The following NCAM2 variants were observed in gnomAD, a reference collection of about 807,000 sequenced individuals.
The protein encoded by NCAM2 is neural cell adhesion molecule 2.
A neutral mutation model predicts 98.1 loss-of-function variants in NCAM2; 30 were observed. That is an observed-to-expected ratio of 0.31 (90% CI 0.23 to 0.41). The LOEUF is 0.41. NCAM2 is among the 10% of genes least tolerant of loss of function. The pLI, the probability that NCAM2 is intolerant of heterozygous loss-of-function variation, is 1.00. For synonymous variants in NCAM2, 368 were observed against 342.4 expected (o/e 1.07, Z -0.83); for missense variants, 867 against 1,005.8 (o/e 0.86, Z 1.87).
intron 9 of NCAM2, among the ~76,000 whole-genome samples, chr21:21,404,329 A>T (rs2145886036): frequency 6.6e-6 from 1 of 152,232 alleles, no homozygotes; most frequent in African/African-American, 2.4e-5. Flanking sequence ...AGCTCCCATA[A>T]TTCCCACGTG....
At chr21:21,277,706 C>A (rs1451271389) in intron 1 of NCAM2, among the ~76,000 whole-genome samples, 1 of 151,918 alleles carries the variant, frequency 6.6e-6, no homozygotes, top group Non-Finnish European at 1.5e-5. Flanking sequence ...CAAATTAAAT[C>A]AATTTTGAAG....
At chr21:21,275,427 G>C (rs574140460) in intron 1 of NCAM2, among the ~76,000 whole-genome samples, 2 of 151,066 alleles carry the variant, frequency 1.3e-5, no homozygotes, top group Non-Finnish European at 2.9e-5. Context: ...GCGACAGAGC[G>C]AGACTCTGTC....
chr21:21,100,381 C>A (rs1438432920), intron 1 of NCAM2, among the ~76,000 whole-genome samples: 3 of 151,808 alleles, frequency 2.0e-5, no homozygotes, highest in Admixed American at 1.3e-4. Context: ...ATGTCAGTGA[C>A]CCCCCAAAAG....
At chr21:21,216,264 A>C (rs917768839) in intron 1 of NCAM2, among the ~76,000 whole-genome samples, 2 of 152,196 alleles carry the variant, frequency 1.3e-5, no homozygotes, top group Non-Finnish European at 2.9e-5. Flanking sequence ...ATACAACAAA[A>C]AACAGAAGTA....
intron 8 of NCAM2, among the ~76,000 whole-genome samples, chr21:21,367,586 G>A (rs1251345555): frequency 6.6e-6 from 1 of 151,970 alleles, no homozygotes; most frequent in East Asian, 1.9e-4. Context: ...TGGAATATAT[G>A]TAGAATGCTT....
rs111508344 is a variant in NCAM2, at chr21:21,029,019, C to G, written c.55+30401C>G. ...GACAGTATTTGAATGCAAACAGAGC[C>G]GTTTTTAAACTATCTTGAAATGTGG... On this transcript the variant is annotated intron_variant, in intron 1 of 17. Transcript: ENST00000400546. Among the ~76,000 whole-genome samples the G allele has an allele frequency of 4.3e-3, 661 of 152,084 alleles. 7 individuals carry two copies. The highest frequency in any genetic ancestry group is 0.015 in the African/African-American group (610 of 41,488).
chr21:21,120,639 A>G (rs1271549601), intron 1 of NCAM2, among the ~76,000 whole-genome samples: 1 of 152,174 alleles, frequency 6.6e-6, no homozygotes, highest in African/African-American at 2.4e-5. Flanking sequence ...GCTTGGTTCA[A>G]CACAGAGAGG....
chr21:21,385,477 T>C (rs538454020), intron 9 of NCAM2: 122 of 442,876 alleles, frequency 2.8e-4, no homozygotes, highest in African/African-American at 2.1e-3. Context: ...GTAATACTGC[T>C]AAGAGTGAGT....
At chr21:21,231,189 G>T (rs551835073) in intron 1 of NCAM2, among the ~76,000 whole-genome samples, 2 of 151,260 alleles carry the variant, frequency 1.3e-5, no homozygotes, top group African/African-American at 4.8e-5. Context: ...TGAAGCTATA[G>T]AGCTGATTTA....
intron 6 of NCAM2, among the ~76,000 whole-genome samples, chr21:21,331,722 G>A (rs1307064464): frequency 1.4e-5 from 2 of 141,072 alleles, no homozygotes; most frequent in East Asian, 2.1e-4. Flanking sequence ...TCGAGTACCT[G>A]GGAACACAGG....
intron 1 of NCAM2, among the ~76,000 whole-genome samples, chr21:21,078,549 A>T (rs896792331): frequency 6.6e-6 from 1 of 152,230 alleles, no homozygotes; most frequent in African/African-American, 2.4e-5. Flanking sequence ...GATGCTGGCG[A>T]GACTGTGGAG....
At chr21:21,280,895 C>T (rs890536761) in intron 2 of NCAM2, among the ~76,000 whole-genome samples, 6 of 152,080 alleles carry the variant, frequency 3.9e-5, no homozygotes, top group Non-Finnish European at 8.8e-5. Flanking sequence ...CGTTCTCCTG[C>T]CTCAGCCTCT....
intron 5 of NCAM2, among the ~76,000 whole-genome samples, chr21:21,318,700 T>G (rs761654846): frequency 6.6e-6 from 1 of 152,158 alleles, no homozygotes; most frequent in African/African-American, 2.4e-5. Context: ...TGAATTTCAA[T>G]TATGGTTAAT....
chr21:21,075,236 A>G (rs1346581456), intron 1 of NCAM2, among the ~76,000 whole-genome samples: 3 of 152,236 alleles, frequency 2.0e-5, no homozygotes, highest in Non-Finnish European at 4.4e-5. Context: ...TACCTGATGT[A>G]GATGACGGGT....
At chr21:21,179,798 A>G (rs1242419044) in intron 1 of NCAM2, among the ~76,000 whole-genome samples, 2 of 152,260 alleles carry the variant, frequency 1.3e-5, no homozygotes, top group Non-Finnish European at 2.9e-5. Flanking sequence ...AGTGTCAGAC[A>G]TATCCCCAGG....
intron 1 of NCAM2, among the ~76,000 whole-genome samples, chr21:21,101,141 T>A (rs1040516823): frequency 2.6e-5 from 4 of 152,038 alleles, no homozygotes; most frequent in African/African-American, 9.7e-5. Flanking sequence ...TGCAGTGTTT[T>A]CATGTGCATT....
intron 11 of NCAM2, among the ~76,000 whole-genome samples, chr21:21,422,595 T>A (rs1296063596): frequency 6.6e-6 from 1 of 152,204 alleles, no homozygotes; most frequent in Non-Finnish European, 1.5e-5. Flanking sequence ...CTATCTCCTC[T>A]GTTTTTAGAA....
intron 1 of NCAM2, among the ~76,000 whole-genome samples, chr21:21,251,013 G>C (rs1442155460): frequency 6.6e-6 from 1 of 152,114 alleles, no homozygotes; most frequent in Non-Finnish European, 1.5e-5. Context: ...GTTTAACCTG[G>C]CATGATTATT....
At chr21:21,119,392 G>T (rs552258597) in intron 1 of NCAM2, among the ~76,000 whole-genome samples, 1 of 152,178 alleles carries the variant, frequency 6.6e-6, no homozygotes, top group African/African-American at 2.4e-5. Flanking sequence ...CCATCAATAA[G>T]AATAAATTAG....
Sources: allele counts gnomAD v4.1 joint callset (sites outside exome capture counted in the v4.1 genomes callset), GRCh38; gene constraint gnomAD v4.1.1; transcripts MANE v1.5; gene names NCBI Gene and HGNC (gene_info 2026-07-23, HGNC 2026-07-21).